DGKH: variants seen among roughly 807,000 people sequenced by gnomAD.
DGKH encodes the protein DAG kinase eta.
DGKH carries 90 observed loss-of-function variants against 159.3 expected under a neutral mutation model. That is an observed-to-expected ratio of 0.57 (90% CI 0.48 to 0.67). The LOEUF is 0.67. Among genes scored for constraint, DGKH ranks in the 30% least tolerant of loss-of-function variants. The probability of loss-of-function intolerance (pLI) is 0.00; values close to 1 mark genes in which losing one functional copy is unlikely to be tolerated. For synonymous variants in DGKH, 536 were observed against 553.8 expected, an observed-to-expected ratio of 0.97 and a Z score of 0.45; for missense variants, 1,181 against 1,506.1, an observed-to-expected ratio of 0.78 and a Z score of 3.57.
chr13:42,192,764 A>G (rs780685573), intron 16 of DGKH, among the ~76,000 whole-genome samples: 1 of 152,132 alleles, frequency 6.6e-6, no homozygotes, highest in African/African-American at 2.4e-5. Context: ...ATCTGCCCTA[A>G]GGTTTCTCTA....
At chr13:42,049,211 G>A (rs1455658104) in intron 1 of DGKH, among the ~76,000 whole-genome samples, 1 of 150,912 alleles carries the variant, frequency 6.6e-6, no homozygotes, top group African/African-American at 2.4e-5. Context: ...GCCCGGGGGC[G>A]CTGGACCGCG....
chr13:42,167,407 G>T (rs970872753), intron 9 of DGKH, among the ~76,000 whole-genome samples: 1 of 152,166 alleles, frequency 6.6e-6, no homozygotes, highest in Non-Finnish European at 1.5e-5. Context: ...GGGGATTTTT[G>T]ATACCAGTGC....
chr13:42,148,904 C>T (rs1955805367), intron 3 of DGKH, among the ~76,000 whole-genome samples: 1 of 151,246 alleles, frequency 6.6e-6, no homozygotes, highest in African/African-American at 2.4e-5. Context: ...ACACAGGAAA[C>T]CTTACTTGGC....
chr13:42,207,061 C>CTTT (rs71096560), intron 21 of DGKH, among the ~76,000 whole-genome samples: 17,860 of 82,812 alleles, frequency 0.22, 5,615 homozygotes, highest in Non-Finnish European at 0.25. Context: ...TTCTTTCCTT[C>CTTT]CTTCTTTCTT....
At chr13:42,193,329 A>T (rs915813618) in intron 16 of DGKH, among the ~76,000 whole-genome samples, 2 of 152,232 alleles carry the variant, frequency 1.3e-5, no homozygotes, top group Non-Finnish European at 2.9e-5. Context: ...AAACTAAAAA[A>T]TACAAATATA....
At chr13:42,070,546 G>T in intron 1 of DGKH, 6 of 1,457,170 alleles carry the variant, frequency 4.1e-6, no homozygotes, top group Non-Finnish European at 3.8e-6. Context: ...ACTCTTACGG[G>T]AATAATGAGG....
intron 1 of DGKH, among the ~76,000 whole-genome samples, chr13:42,061,229 T>C (rs1230385717): frequency 2.6e-5 from 4 of 152,200 alleles, no homozygotes; most frequent in Non-Finnish European, 5.9e-5. Flanking sequence ...AATCTTCTTA[T>C]GCAACTGGGC....
chr13:42,213,223 C>G (rs949234115), intron 24 of DGKH, among the ~76,000 whole-genome samples: 1 of 152,012 alleles, frequency 6.6e-6, no homozygotes, highest in African/African-American at 2.4e-5. Context: ...AAAGGACAAG[C>G]AAGATTAAAG....
intron 1 of DGKH, among the ~76,000 whole-genome samples, chr13:42,071,369 A>G (rs1249924287): frequency 1.3e-5 from 2 of 152,246 alleles, no homozygotes; most frequent in Non-Finnish European, 2.9e-5. Flanking sequence ...GCAGACATTT[A>G]AAGAAGACAC....
intron 1 of DGKH, among the ~76,000 whole-genome samples, chr13:42,058,705 T>C (rs2137660447): frequency 6.6e-6 from 1 of 152,340 alleles, no homozygotes; most frequent in South Asian, 2.1e-4. Flanking sequence ...TGCAGATAGA[T>C]GGAGCTATGT....
intron 3 of DGKH, among the ~76,000 whole-genome samples, chr13:42,138,998 C>T (rs1005500492): frequency 6.6e-6 from 1 of 152,018 alleles, no homozygotes; most frequent in Non-Finnish European, 1.5e-5. Context: ...AAATTAGGGG[C>T]TTTTAGAAAT....
chr13:42,246,480 A>T (rs928499054), downstream of DGKH, among the ~76,000 whole-genome samples: 2 of 152,084 alleles, frequency 1.3e-5, no homozygotes, highest in Non-Finnish European at 2.9e-5. Flanking sequence ...AGTGTATAAC[A>T]CTTCTTAGTT....
At chr13:42,246,648 G>A (rs550020072), downstream of DGKH, among the ~76,000 whole-genome samples, 6 of 152,158 alleles carry the variant, frequency 3.9e-5, no homozygotes, top group African/African-American at 1.2e-4. Flanking sequence ...TTAGAGGAGC[G>A]ATACTGACTT....
rs1210013901 is a variant in DGKH, at chr13:42,159,999, C to T, written c.730-12C>T. Reference sequence around the variant, plus strand: ...AGTCTTCACCTGGCTGCCCTTTCTTCCTTCTCCACAGGTCGCGATGCCTCA... The same window carrying T: ...AGTCTTCACCTGGCTGCCCTTTCTTTCTTCTCCACAGGTCGCGATGCCTCA... On this transcript the variant is annotated splice_polypyrimidine_tract_variant and intron_variant, in intron 6 of 29. Transcript: ENST00000337343. The T allele has an allele frequency of 1.2e-6, 2 of 1,614,076 alleles. No individual in the cohort carries two copies. Among genetic ancestry groups the T allele is most frequent in the African/African-American group, 2.7e-5 (2 of 74,932 alleles).
chr13:42,194,322 A>G (rs1957152179), intron 16 of DGKH, among the ~76,000 whole-genome samples: 3 of 152,116 alleles, frequency 2.0e-5, no homozygotes, highest in Admixed American at 1.3e-4. Flanking sequence ...TTATAGAGGC[A>G]GGGTCTCGCT....
upstream of DGKH, among the ~76,000 whole-genome samples, chr13:42,046,512 ATCTT>A (rs1261157427): frequency 6.6e-6 from 1 of 152,234 alleles, no homozygotes. Flanking sequence ...CTGAGGTTAA[ATCTT>A]TATGAGAAAG....
At chr13:42,181,639 T>C (rs576502537) in intron 13 of DGKH, 21 of 312,582 alleles carry the variant, frequency 6.7e-5, no homozygotes, top group South Asian at 1.5e-4. Context: ...ATGTCAGGCC[T>C]TGTGAGCCCA....
chr13:42,179,626 T>C (rs1389579158), intron 13 of DGKH, among the ~76,000 whole-genome samples: 1 of 151,782 alleles, frequency 6.6e-6, no homozygotes, highest in Non-Finnish European at 1.5e-5. Context: ...GTATACATAC[T>C]AAAATTAGCC....
intron 1 of DGKH, among the ~76,000 whole-genome samples, chr13:42,123,768 C>A (rs890948687): frequency 1.3e-5 from 2 of 152,198 alleles, no homozygotes. Context: ...GGGAAACGCA[C>A]ATTAAAACCA....
Sources: allele counts gnomAD v4.1 joint callset (sites outside exome capture counted in the v4.1 genomes callset), GRCh38; gene constraint gnomAD v4.1.1; transcripts MANE v1.5; gene names NCBI Gene and HGNC (gene_info 2026-07-23, HGNC 2026-07-21).